The following CALD1 variants were observed in gnomAD, a reference collection of about 807,000 sequenced individuals.
The protein encoded by CALD1 is caldesmon.
CALD1 carries 33 observed loss-of-function variants against 99.9 expected under a neutral mutation model. The ratio of observed to expected loss-of-function variants is 0.33; its 90% CI spans 0.25 to 0.44. CALD1 has a LOEUF of 0.44. CALD1 is among the 20% of genes least tolerant of loss of function. The pLI is 1.00. For synonymous variants in CALD1, 310 were observed against 325.0 expected (o/e 0.95, Z 0.50); for missense variants, 861 against 962.1 (o/e 0.89, Z 1.39).
chr7:134,731,830 C>G, the CALD1 span, among the ~76,000 whole-genome samples: 2 of 152,144 alleles, frequency 1.3e-5, no homozygotes, highest in Non-Finnish European at 2.9e-5. Flanking sequence ...TTTACTAACT[C>G]CTTTCTGAAA....
chr7:134,772,625 G>A (rs6954858), intron 1 of CALD1, among the ~76,000 whole-genome samples: 88,465 of 152,016 alleles, frequency 0.58, 26,931 homozygotes, highest in East Asian at 0.88. Context: ...ACATTCTTAC[G>A]ATTGTGGTAA....
intron 1 of CALD1, among the ~76,000 whole-genome samples, chr7:134,794,365 C>CA (rs1233954171): frequency 5.7e-4 from 87 of 152,272 alleles, no homozygotes; most frequent in African/African-American, 1.9e-3. Context: ...ACCCGAAAGA[C>CA]AAAAAGAAAG....
intron 1 of CALD1, among the ~76,000 whole-genome samples, chr7:134,795,872 G>A (rs762099569): frequency 2.0e-5 from 3 of 152,284 alleles, no homozygotes; most frequent in South Asian, 2.1e-4. Context: ...AGCTCCCTAC[G>A]ACCCTAAGAC....
intron 2 of CALD1, among the ~76,000 whole-genome samples, chr7:134,847,114 G>A (rs1465419906): frequency 6.6e-6 from 1 of 152,188 alleles, no homozygotes; most frequent in African/African-American, 2.4e-5. Flanking sequence ...GCTTTGAGTT[G>A]TAAGCACTTC....
intron 1 of CALD1, among the ~76,000 whole-genome samples, chr7:134,812,144 C>G (rs755091913): frequency 2.6e-5 from 4 of 152,118 alleles, no homozygotes; most frequent in African/African-American, 7.2e-5. Flanking sequence ...AAACTTTTAA[C>G]AACTTATCAA....
intron 2 of CALD1, among the ~76,000 whole-genome samples, chr7:134,850,470 C>G (rs1800029724): frequency 6.6e-6 from 1 of 152,188 alleles, no homozygotes; most frequent in Non-Finnish European, 1.5e-5. Context: ...GGGCCTCTGT[C>G]TTTTCATCTG....
chr7:134,938,928 T>C (rs990011494), intron 6 of CALD1, among the ~76,000 whole-genome samples: 1 of 152,180 alleles, frequency 6.6e-6, no homozygotes, highest in African/African-American at 2.4e-5. Flanking sequence ...AATGGAAATT[T>C]TTCTGACTGC....
chr7:134,715,850 A>G, the CALD1 span, among the ~76,000 whole-genome samples: 2 of 152,348 alleles, frequency 1.3e-5, no homozygotes, highest in Non-Finnish European at 2.9e-5. Context: ...ATTATTTGTC[A>G]TTGGGATTCA....
At chr7:134,920,122 C>T (rs1804504123) in intron 3 of CALD1, among the ~76,000 whole-genome samples, 1 of 152,272 alleles carries the variant, frequency 6.6e-6, no homozygotes, top group East Asian at 1.9e-4. Flanking sequence ...AGTAAATCTG[C>T]AAGGCAAATA....
Position 134,950,486 on chromosome 7 carries a change from G to C in CALD1, c.1907G>C (p.Cys636Ser). The change falls in exon 9 of 15, where the codon TGT becomes TCT. Residue 636 changes from cysteine (C) to serine (S), a missense_variant. Physicochemically the swap from Cys to Ser is moderately radical, Grantham distance 112. Coordinates refer to ENST00000361675, the MANE Select transcript of CALD1 (RefSeq NM_033138.4). ...TCAGATGACAAGAAACCATTCAAGT[G>C]TTTCACTCCTAAAGGTTCATCTCTC... ...GLSDDKKPFK[C>S]FTPKGSSLKI... The C allele has an allele frequency of 6.2e-7, 1 of 1,614,080 alleles. No individual in the cohort carries two copies. Among genetic ancestry groups the C allele is most frequent in the East Asian group, 2.2e-5 (1 of 44,886 alleles).
At chr7:134,784,433 TA>T (rs980600297) in intron 1 of CALD1, among the ~76,000 whole-genome samples, 5 of 152,210 alleles carry the variant, frequency 3.3e-5, no homozygotes, top group African/African-American at 1.2e-4. Context: ...TCAAAGATAT[TA>T]GTTCCACTGG....
Position 134,898,486 on chromosome 7 carries a change from T to C in CALD1, c.72-30268T>C, listed in dbSNP as rs77994619. ...GGAAATCTCAGGGTAACTTTTTTTG[T>C]GATATTTTAAGTAGATTTGAATTGA... On this transcript the variant is annotated intron_variant, in intron 3 of 14. Coordinates refer to ENST00000361675, the MANE Select transcript of CALD1 (RefSeq NM_033138.4). 1.4e-3 allele frequency among the ~76,000 whole-genome samples: 220 copies of C among 152,314 alleles called. 1 individual carries two copies. Among genetic ancestry groups the C allele is most frequent in the Non-Finnish European group, 2.7e-3 (182 of 68,024 alleles).
upstream of CALD1, among the ~76,000 whole-genome samples, chr7:134,777,275 A>G (rs1050318778): frequency 4.6e-5 from 7 of 152,224 alleles, no homozygotes; most frequent in Non-Finnish European, 1.0e-4. Flanking sequence ...TTCTTCAACT[A>G]TATAGTTCCT....
At chr7:134,820,124 T>C (rs896380413) in intron 1 of CALD1, among the ~76,000 whole-genome samples, 1 of 152,222 alleles carries the variant, frequency 6.6e-6, no homozygotes, top group East Asian at 1.9e-4. Flanking sequence ...TTTGAGTTCA[T>C]GTCTACACAG....
intron 3 of CALD1, among the ~76,000 whole-genome samples, chr7:134,884,311 AGT>A: frequency 6.6e-6 from 1 of 152,126 alleles, no homozygotes; most frequent in Non-Finnish European, 1.5e-5. Flanking sequence ...CACTTGGAGA[AGT>A]GTTTCCTCAT....
At chr7:134,878,684 G>A (rs925787853) in intron 3 of CALD1, among the ~76,000 whole-genome samples, 7 of 152,116 alleles carry the variant, frequency 4.6e-5, no homozygotes, top group Non-Finnish European at 7.4e-5. Context: ...TACAGACCAG[G>A]TGCAGTGGCT....
chr7:134,941,546 A>G, intron 7 of CALD1, among the ~76,000 whole-genome samples: 1 of 152,216 alleles, frequency 6.6e-6, no homozygotes. Flanking sequence ...GTGTATTAGA[A>G]AACATTATAA....
At chr7:134,888,698 A>G (rs1408034496) in intron 3 of CALD1, among the ~76,000 whole-genome samples, 1 of 152,106 alleles carries the variant, frequency 6.6e-6, no homozygotes, top group East Asian at 1.9e-4. Flanking sequence ...CACTCTTCCC[A>G]TGTCAGTACC....
At chr7:134,847,205 A>G (rs1321906898) in intron 2 of CALD1, among the ~76,000 whole-genome samples, 1 of 152,180 alleles carries the variant, frequency 6.6e-6, no homozygotes, top group Non-Finnish European at 1.5e-5. Flanking sequence ...GAAGCTCCAG[A>G]TGGAGTGGAA....
Sources: allele counts gnomAD v4.1 joint callset (sites outside exome capture counted in the v4.1 genomes callset), GRCh38; gene constraint gnomAD v4.1.1; transcripts MANE v1.5; gene names NCBI Gene and HGNC (gene_info 2026-07-23, HGNC 2026-07-21).